The following CDK14 variants were observed in gnomAD, a reference collection of about 807,000 sequenced individuals.
CDK14 encodes cyclin-dependent kinase 14.
CDK14 carries 34 observed loss-of-function variants against 60.7 expected under a neutral mutation model. That is an observed-to-expected ratio of 0.56 (90% CI 0.43 to 0.75). The LOEUF is 0.75. CDK14 is among the 30% of genes least tolerant of loss of function. CDK14 has a pLI of 0.00. For missense variants in CDK14, 482 were observed against 564.1 expected, an observed-to-expected ratio of 0.85 and a Z score of 1.47; for synonymous variants, 197 against 203.7, an observed-to-expected ratio of 0.97 and a Z score of 0.28.
intron 8 of CDK14, among the ~76,000 whole-genome samples, chr7:90,920,856 A>T (rs1793227621): frequency 6.6e-6 from 1 of 152,208 alleles, no homozygotes. Context: ...GATGAGGTAA[A>T]CCAGATGATA....
intron 11 of CDK14, among the ~76,000 whole-genome samples, chr7:91,072,651 G>A (rs981776165): frequency 6.6e-6 from 1 of 152,112 alleles, no homozygotes; most frequent in Non-Finnish European, 1.5e-5. Context: ...CTCCAGCAAT[G>A]GCGCAGAACT....
chr7:90,707,880 C>T lies in CDK14; in HGVS notation c.124-18687C>T, dbSNP rs149258360. On this transcript the variant is annotated intron_variant, in intron 2 of 14. Coordinates refer to ENST00000380050, the MANE Select transcript of CDK14 (RefSeq NM_001287135.2). ...CATTTCAGTGTATTATAATCACTTGCTTTATTTCTAATCACTTAAGGCATT... is the reference window on the plus strand; with the variant it reads ...CATTTCAGTGTATTATAATCACTTGTTTTATTTCTAATCACTTAAGGCATT... Among the ~76,000 whole-genome samples the T allele has an allele frequency of 3.7e-3, 566 of 152,284 alleles. 9 individuals carry two copies. The highest frequency in any genetic ancestry group is 0.013 in the African/African-American group (540 of 41,556).
intron 12 of CDK14, among the ~76,000 whole-genome samples, chr7:91,082,178 T>G (rs1224686842): frequency 6.6e-6 from 1 of 152,244 alleles, no homozygotes; most frequent in Non-Finnish European, 1.5e-5. Flanking sequence ...TCTTTTATTA[T>G]TTTGGCTGGA....
chr7:90,734,059 C>A (rs1233404743), intron 3 of CDK14, among the ~76,000 whole-genome samples: 3 of 152,166 alleles, frequency 2.0e-5, no homozygotes, highest in Non-Finnish European at 4.4e-5. Flanking sequence ...ATTTCTCCTT[C>A]CCTTATGAAG....
At chr7:91,206,754 C>T (rs536626776) in intron 14 of CDK14, among the ~76,000 whole-genome samples, 3 of 152,160 alleles carry the variant, frequency 2.0e-5, no homozygotes, top group South Asian at 2.1e-4. Context: ...GTTTGTGATC[C>T]GTTTTTCTAT....
intron 2 of CDK14, chr7:90,632,319 T>A (rs1800020520): frequency 3.1e-6 from 1 of 324,124 alleles, no homozygotes; most frequent in South Asian, 2.9e-5. Flanking sequence ...TCTCAGAGGC[T>A]GAATCAAGGA....
At chr7:90,807,064 C>A (rs1481679259) in intron 5 of CDK14, among the ~76,000 whole-genome samples, 1 of 152,210 alleles carries the variant, frequency 6.6e-6, no homozygotes, top group Non-Finnish European at 1.5e-5. Context: ...AAACAAAAGG[C>A]AGCAGAAACC....
intron 2 of CDK14, among the ~76,000 whole-genome samples, chr7:90,640,035 G>T (rs1254028821): frequency 6.6e-5 from 10 of 151,982 alleles, no homozygotes; most frequent in African/African-American, 2.2e-4. Flanking sequence ...CCCTTTCCTT[G>T]ACCAGGAAAG....
At chr7:90,818,878 GTA>G (rs776055802) in intron 5 of CDK14, among the ~76,000 whole-genome samples, 1 of 79,750 alleles carries the variant, frequency 1.3e-5, no homozygotes, top group Non-Finnish European at 2.3e-5. Context: ...ATGTGTGTGT[GTA>G]TATATATGTG....
At chr7:91,201,325 T>C (rs1395843923) in intron 14 of CDK14, among the ~76,000 whole-genome samples, 1 of 152,156 alleles carries the variant, frequency 6.6e-6, no homozygotes, top group East Asian at 1.9e-4. Context: ...GTCTCCTAAA[T>C]AGAAATGAGC....
intron 8 of CDK14, among the ~76,000 whole-genome samples, chr7:90,949,366 A>G (rs1286823056): frequency 6.6e-6 from 1 of 151,824 alleles, no homozygotes; most frequent in African/African-American, 2.4e-5. Flanking sequence ...ACACTTGGCC[A>G]ATTTTTTGTA....
intron 7 of CDK14, among the ~76,000 whole-genome samples, chr7:90,906,279 C>CA (rs1792697994): frequency 1.3e-5 from 2 of 151,946 alleles, no homozygotes; most frequent in African/African-American, 2.4e-5. Flanking sequence ...AAAATATAGA[C>CA]AAAAAACCTC....
intron 14 of CDK14, among the ~76,000 whole-genome samples, chr7:91,127,175 G>A (rs2116411021): frequency 6.6e-6 from 1 of 152,268 alleles, no homozygotes; most frequent in South Asian, 2.1e-4. Context: ...TTTATCACTA[G>A]AGGGGACAAA....
Position 90,860,174 on chromosome 7 carries a change from TA to T in CDK14, c.545-2998del, listed in dbSNP as rs1433273111. Among the ~76,000 whole-genome samples, 3 of 152,136 alleles carry T rather than the reference TA, an allele frequency of 2.0e-5. No individual in the cohort carries two copies. In the East Asian group the frequency reaches 5.8e-4, roughly 29 times the overall value. ...TATAAATGCTCATATATTGATTTAA[TA>T]AAGGTTTCTGTTACTTGATAGGATG... is the stretch of plus-strand genomic sequence containing the variant. On this transcript the variant is annotated intron_variant, in intron 5 of 14. Coordinates refer to ENST00000380050, the MANE Select transcript of CDK14 (RefSeq NM_001287135.2).
rs190321211 is a variant in CDK14 at position 90,970,567 on chromosome 7, G to A, written c.948-13581G>A. 1.4e-4 allele frequency among the ~76,000 whole-genome samples: 22 copies of A among 152,330 alleles called. No homozygotes were observed. The East Asian group carries it at 4.2e-3, about 29-fold the overall frequency. On this transcript the variant is annotated intron_variant, in intron 9 of 14. Coordinates refer to ENST00000380050, the MANE Select transcript of CDK14 (RefSeq NM_001287135.2). ...GAGATTGCTGACCCTGGATTCAGGA[G>A]ATGCAGTTTCTGATTCTGCTACCTA...
At chr7:91,050,509 A>G (rs1797359877) in intron 11 of CDK14, among the ~76,000 whole-genome samples, 1 of 152,242 alleles carries the variant, frequency 6.6e-6, no homozygotes, top group African/African-American at 2.4e-5. Context: ...ATTCTTTACT[A>G]TATAACCTGT....
intron 6 of CDK14, among the ~76,000 whole-genome samples, chr7:90,889,933 A>C (rs1792061663): frequency 6.6e-6 from 1 of 152,234 alleles, no homozygotes; most frequent in South Asian, 2.1e-4. Flanking sequence ...TTGTCTTCAG[A>C]GTAGAGAGAC....
intron 6 of CDK14, among the ~76,000 whole-genome samples, chr7:90,875,931 A>G (rs773909782): frequency 2.0e-5 from 3 of 152,040 alleles, no homozygotes; most frequent in African/African-American, 7.2e-5. Context: ...CAAGGTTGCA[A>G]TATCTTTTCT....
chr7:90,913,550 T>G (rs1294963802), intron 7 of CDK14, among the ~76,000 whole-genome samples: 1 of 152,246 alleles, frequency 6.6e-6, no homozygotes, highest in East Asian at 1.9e-4. Context: ...GATGTTTATA[T>G]ATTCTTATTA....
Sources: gnomAD v4.1 joint callset for allele counts (sites outside exome capture counted in the v4.1 genomes callset) on GRCh38, gnomAD v4.1.1 for gene constraint, MANE v1.5 for transcripts, NCBI Gene and HGNC (gene_info 2026-07-23, HGNC 2026-07-21) for gene names.